PTPRD: variants seen among roughly 807,000 people sequenced by gnomAD.
PTPRD encodes the protein receptor-type tyrosine-protein phosphatase delta.
Under a neutral mutation model 214.5 loss-of-function variants are expected in PTPRD, and 34 were observed. The observed-to-expected ratio is 0.16, with a 90% CI of 0.12 to 0.21. PTPRD has a LOEUF of 0.21. Among genes scored for constraint, PTPRD ranks in the 10% least tolerant of loss-of-function variants. The pLI, the probability that PTPRD is intolerant of heterozygous loss-of-function variation, is 1.00. For missense variants in PTPRD, 2,545 were observed against 2,398.7 expected (o/e 1.06, Z -1.27); for synonymous variants, 1,128 against 845.7 (o/e 1.33, Z -5.79).
At chr9:10,335,169 C>G (rs1158636319) in intron 3 of PTPRD, among the ~76,000 whole-genome samples, 2 of 151,722 alleles carry the variant, frequency 1.3e-5, no homozygotes, top group Admixed American at 6.6e-5. Context: ...AGGACTGACA[C>G]TACCTGACCT....
intron 3 of PTPRD, among the ~76,000 whole-genome samples, chr9:10,264,967 G>A (rs2093956676): frequency 6.6e-6 from 1 of 152,080 alleles, no homozygotes; most frequent in Non-Finnish European, 1.5e-5. Context: ...CTTTCACATA[G>A]CTTTCATTCT....
chr9:9,585,125 T>C (rs2091701987), intron 7 of PTPRD, among the ~76,000 whole-genome samples: 1 of 151,990 alleles, frequency 6.6e-6, no homozygotes, highest in South Asian at 2.1e-4. Context: ...TATGTTTTTA[T>C]GTTCTCATGA....
intron 8 of PTPRD, among the ~76,000 whole-genome samples, chr9:9,514,681 A>C (rs2096791712): frequency 6.6e-6 from 1 of 152,098 alleles, no homozygotes; most frequent in Non-Finnish European, 1.5e-5. Flanking sequence ...TTTTCAACTG[A>C]CATCCTAAGT....
intron 4 of PTPRD, among the ~76,000 whole-genome samples, chr9:9,984,723 G>A (rs2095650713): frequency 6.6e-6 from 1 of 152,116 alleles, no homozygotes; most frequent in African/African-American, 2.4e-5. Context: ...ACAGTGTCCT[G>A]AAGACCTTGG....
intron 7 of PTPRD, among the ~76,000 whole-genome samples, chr9:9,582,987 C>T (rs1027747503): frequency 1.3e-5 from 2 of 151,986 alleles, no homozygotes; most frequent in African/African-American, 4.8e-5. Context: ...CTTGTTACCA[C>T]ATAACAAAAT....
rs2074873369 is a variant in PTPRD at position 8,528,597 on chromosome 9, G to C, written c.535C>G (p.Arg179Gly). ...AACAGTAACAAGACCCTACCTGATCGTAACTGCTTAATACGACCATTGTTG... is the reference window on the plus strand; with the variant it reads ...AACAGTAACAAGACCCTACCTGATCCTAACTGCTTAATACGACCATTGTTG... ...SNNNGRIKQL[R>G]SESIGGTPIR... The change falls in exon 15 of 46, where the codon CGA becomes GGA. Residue 179 changes from arginine (R) to glycine (G), a missense_variant. Coordinates refer to ENST00000381196, the MANE Select transcript of PTPRD (RefSeq NM_002839.4). 1 of 1,613,556 alleles carries C rather than the reference G, an allele frequency of 6.2e-7. No homozygotes were observed. The highest frequency in any genetic ancestry group is 8.5e-7 in the Non-Finnish European group (1 of 1,179,654).
chr9:9,347,310 G>A (rs913003407), intron 9 of PTPRD, among the ~76,000 whole-genome samples: 4 of 149,708 alleles, frequency 2.7e-5, no homozygotes, highest in Non-Finnish European at 5.9e-5. Flanking sequence ...CTCTCTATGT[G>A]TATATATATA....
intron 10 of PTPRD, among the ~76,000 whole-genome samples, chr9:9,138,801 G>T (rs1050289456): frequency 3.3e-5 from 5 of 151,794 alleles, no homozygotes; most frequent in Non-Finnish European, 2.9e-5. Flanking sequence ...GCATTTTTTT[G>T]ATATCTATTT....
intron 3 of PTPRD, among the ~76,000 whole-genome samples, chr9:10,289,400 G>C (rs2095463902): frequency 6.6e-6 from 1 of 152,078 alleles, no homozygotes. Flanking sequence ...ATGTGCAGGG[G>C]AGCACAGAGG....
Position 8,737,085 on chromosome 9 carries a change from C to T in PTPRD, c.-103-3139G>A, listed in dbSNP as rs533476771. On this transcript the variant is annotated intron_variant, in intron 11 of 45. Coordinates refer to ENST00000381196, the MANE Select transcript of PTPRD (RefSeq NM_002839.4). ...TCACAGAGATGGAGACCTATGAATGCTCACTCAGGGAAGAAGTGATTTGGC... is the reference window on the plus strand; with the variant it reads ...TCACAGAGATGGAGACCTATGAATGTTCACTCAGGGAAGAAGTGATTTGGC... Among the ~76,000 whole-genome samples, 6 of 152,330 alleles carry T rather than the reference C, an allele frequency of 3.9e-5. No individual in the cohort carries two copies. In the South Asian group the frequency reaches 1.2e-3, roughly 32 times the overall value.
chr9:8,604,472 A>T (rs1305166272), intron 14 of PTPRD, among the ~76,000 whole-genome samples: 2 of 152,198 alleles, frequency 1.3e-5, no homozygotes, highest in Non-Finnish European at 2.9e-5. Flanking sequence ...AAGAGCATGA[A>T]GTACATTACA....
chr9:8,781,772 C>T (rs1447558666), intron 11 of PTPRD, among the ~76,000 whole-genome samples: 3 of 152,146 alleles, frequency 2.0e-5, no homozygotes, highest in Non-Finnish European at 4.4e-5. Flanking sequence ...TTTCATATTA[C>T]AATGAGTACG....
At chr9:9,635,611 C>T (rs16929949) in intron 7 of PTPRD, among the ~76,000 whole-genome samples, 2,722 of 152,238 alleles carry the variant, frequency 0.018, 75 homozygotes, top group African/African-American at 0.063. Flanking sequence ...ATGCAGTACT[C>T]CTGTAACCTG....
chr9:9,895,004 G>A (rs563708257), intron 5 of PTPRD, among the ~76,000 whole-genome samples: 3 of 151,956 alleles, frequency 2.0e-5, no homozygotes, highest in Non-Finnish European at 4.4e-5. Context: ...AAAAAGCAAA[G>A]TACAGTCTCC....
intron 3 of PTPRD, among the ~76,000 whole-genome samples, chr9:10,282,387 G>A (rs189611833): frequency 1.0e-3 from 158 of 152,186 alleles, no homozygotes; most frequent in Non-Finnish European, 1.0e-4. Context: ...AAAGAAACAA[G>A]GATACTTTTT....
intron 12 of PTPRD, among the ~76,000 whole-genome samples, chr9:8,688,927 T>C (rs538509740): frequency 2.6e-5 from 4 of 152,196 alleles, no homozygotes; most frequent in Non-Finnish European, 4.4e-5. Flanking sequence ...TTCATATCAT[T>C]AGTACCATCA....
intron 8 of PTPRD, among the ~76,000 whole-genome samples, chr9:9,485,928 G>A (rs534180647): frequency 1.9e-4 from 29 of 152,072 alleles, no homozygotes; most frequent in African/African-American, 6.7e-4. Context: ...CAAGGCAGGT[G>A]GATCATGAAG....
intron 14 of PTPRD, among the ~76,000 whole-genome samples, chr9:8,540,860 G>T (rs991820902): frequency 6.6e-6 from 1 of 152,106 alleles, no homozygotes; most frequent in Non-Finnish European, 1.5e-5. Flanking sequence ...TCTAAAAAGA[G>T]CATTTCACTA....
intron 3 of PTPRD, among the ~76,000 whole-genome samples, chr9:10,052,955 T>A (rs1232189920): frequency 1.3e-5 from 2 of 152,208 alleles, no homozygotes; most frequent in Admixed American, 1.3e-4. Context: ...TATATTTCAA[T>A]AATTCTTTAC....
Sources: gnomAD v4.1 joint callset for allele counts (sites outside exome capture counted in the v4.1 genomes callset) on GRCh38, gnomAD v4.1.1 for gene constraint, MANE v1.5 for transcripts, NCBI Gene and HGNC (gene_info 2026-07-23, HGNC 2026-07-21) for gene names.